The following KLK5 variants were observed in gnomAD, a reference collection of about 807,000 sequenced individuals.
The protein encoded by KLK5 is kallikrein related peptidase 5.
Under a neutral mutation model 24.0 loss-of-function variants are expected in KLK5, and 18 were observed. That is an observed-to-expected ratio of 0.75 (90% CI 0.52 to 1.11). The LOEUF (loss-of-function observed/expected upper bound fraction) is 1.11. Ranked by LOEUF, KLK5 falls within the 50% of genes most tolerant of loss-of-function variation. The pLI is 0.00. For synonymous variants in KLK5, 140 were observed against 154.0 expected (o/e 0.91, Z 0.67); for missense variants, 374 against 379.2 (o/e 0.99, Z 0.11).
intron 2 of KLK5, among the ~76,000 whole-genome samples, chr19:50,950,912 C>CTGACTT (rs1170940890): frequency 7.1e-6 from 1 of 141,802 alleles, no homozygotes; most frequent in Non-Finnish European, 1.5e-5. Flanking sequence ...AAAAAAAGCT[C>CTGACTT]TGACTTTGAA....
intron 5 of KLK5, among the ~76,000 whole-genome samples, chr19:50,945,230 T>C (rs1309033971): frequency 6.6e-6 from 1 of 151,298 alleles, no homozygotes; most frequent in Non-Finnish European, 1.5e-5. Flanking sequence ...CACCTCAGCC[T>C]CCCAAGTAGC....
rs1288576226 is a variant in KLK5 at position 50,943,503 on chromosome 19, G to C, written c.*128C>G. On this transcript the variant is annotated 3_prime_UTR_variant, in exon 6 of 6. Transcript: ENST00000336334. ...GGGGAAGCAGACCCTGAGTCCAGGA[G>C]ACATGGGGTCAGGGGCTGGAGAGAT... The C allele has an allele frequency of 1.1e-6, 1 of 878,148 alleles. No homozygotes were observed. The highest frequency in any genetic ancestry group is 1.7e-5 in the African/African-American group (1 of 59,976). 54.4% of individuals were successfully genotyped at this position (878,148 alleles called of 1,614,324 possible).
At position 50,952,674 on chromosome 19, in the gene KLK5, T is replaced by C; in HGVS notation, c.-11-6A>G. On this transcript the variant is annotated splice_region_variant and splice_polypyrimidine_tract_variant and intron_variant, in intron 1 of 5. Transcript: ENST00000336334. ...TGTAGCCATGGCCGCTGCACCTGGA[T>C]GGGGAATGTCAGAGGGTTGGGAGGC... 1 of 1,589,260 alleles carries C rather than the reference T, an allele frequency of 6.3e-7. No homozygotes were observed. The highest frequency in any genetic ancestry group is 8.6e-7 in the Non-Finnish European group (1 of 1,167,402).
At chr19:50,945,923 C>G (rs2090629321) in intron 5 of KLK5, among the ~76,000 whole-genome samples, 1 of 152,136 alleles carries the variant, frequency 6.6e-6, no homozygotes, top group African/African-American at 2.4e-5. Context: ...GTTGCCCAGG[C>G]TGGTCTTGAA....
At chr19:50,950,890 CA>C (rs10650166) in intron 2 of KLK5, among the ~76,000 whole-genome samples, 7 of 99,992 alleles carry the variant, frequency 7.0e-5, no homozygotes, top group African/African-American at 1.2e-4. Flanking sequence ...AGACTGTCTC[CA>C]AAAAAAAAAA....
intron 1 of KLK5, 27 bp from the exon 2 acceptor site, chr19:50,952,695 G>A (rs1360340893): frequency 6.5e-7 from 1 of 1,540,582 alleles, no homozygotes; most frequent in Non-Finnish European, 8.8e-7. Flanking sequence ...AGAGGGTTGG[G>A]AGGCCCAGGC....
At chr19:50,952,011 A>C (rs902943783) in intron 2 of KLK5, among the ~76,000 whole-genome samples, 1 of 151,998 alleles carries the variant, frequency 6.6e-6, no homozygotes, top group Non-Finnish European at 1.5e-5. Context: ...ACACAGTCAC[A>C]TACAGTCACC....
rs763618021 is a variant in KLK5 at position 50,947,357 on chromosome 19, C to T, written c.726+1283G>A. On this transcript the variant is annotated intron_variant, in intron 5 of 5. Coordinates refer to ENST00000336334, the MANE Select transcript of KLK5 (RefSeq NM_012427.5). The surrounding 1 kb of genome is among the most constrained non-coding windows in gnomAD (Gnocchi z 8.7). The stretch of plus-strand genomic sequence containing the variant: ...TCCTTACTGCCTCAGGGCCTTTGCA[C>T]GTGCCTTTTCTTTCCCCTTAAACTT... Among the ~76,000 whole-genome samples the T allele has an allele frequency of 2.6e-5, 4 of 152,188 alleles. No homozygotes were observed. The highest frequency in any genetic ancestry group is 6.5e-5 in the Admixed American group (1 of 15,270).
At chr19:50,946,301 C>G (rs1294744479) in intron 5 of KLK5, among the ~76,000 whole-genome samples, 1 of 152,218 alleles carries the variant, frequency 6.6e-6, no homozygotes, top group African/African-American at 2.4e-5. Context: ...AGTTAATGAG[C>G]TGAGGCATGC....
intron 5 of KLK5, among the ~76,000 whole-genome samples, chr19:50,945,045 TTCCTTCCTTTCTTTC>T (rs139843620): frequency 0.019 from 2,757 of 145,018 alleles, 33 homozygotes; most frequent in African/African-American, 0.035. Flanking sequence ...TTCTTTCTCC[TTCCTTCCTTTCTTTC>T]TCCTTCCTTC....
At chr19:50,946,599 G>T (rs549319262) in intron 5 of KLK5, among the ~76,000 whole-genome samples, 1 of 149,144 alleles carries the variant, frequency 6.7e-6, no homozygotes, top group African/African-American at 2.5e-5. Context: ...TCACTGTGTT[G>T]CCCAGGCTGG....
In KLK5 at chr19:50,949,003, GGCCAGGGTGGGAGTA is replaced by G. The variant is rs2090660189; in HGVS notation, c.433_447del (p.Tyr145_Gly149del). 1 of 1,613,942 alleles carries G rather than the reference GGCCAGGGTGGGAGTA, an allele frequency of 6.2e-7. No homozygotes were observed. The highest frequency in any genetic ancestry group is 8.5e-7 in the Non-Finnish European group (1 of 1,179,980). On this transcript the variant is annotated inframe_deletion, in exon 4 of 6. Transcript: ENST00000336334. ...TTGATGAGCATGAGGTCGTTAGAGT[GGCCAGGGTGGGAGTA>G]GCCAGGGTGGGGGATGGATTTGACC... is the stretch of plus-strand genomic sequence containing the variant.
intron 2 of KLK5, among the ~76,000 whole-genome samples, chr19:50,951,795 C>T (rs888775449): frequency 3.3e-5 from 5 of 152,174 alleles, no homozygotes; most frequent in African/African-American, 7.2e-5. Flanking sequence ...CTCAGTGCCA[C>T]GCACAGATGC....
Position 50,945,533 on chromosome 19 carries a change from C to T in KLK5, c.727-1747G>A, listed in dbSNP as rs568146200. On this transcript the variant is annotated intron_variant, in intron 5 of 5. Coordinates refer to ENST00000336334, the MANE Select transcript of KLK5 (RefSeq NM_012427.5). ...CCCACCTGGGCACGGTGGCTCACAC[C>T]TGTAATACCAGCAATTTGGGAGGCC... 1.5e-4 allele frequency among the ~76,000 whole-genome samples: 23 copies of T among 151,914 alleles called. No homozygotes were observed. The South Asian group carries it at 2.5e-3, about 16-fold the overall frequency.
intron 5 of KLK5, among the ~76,000 whole-genome samples, chr19:50,946,689 A>G (rs1273633580): frequency 6.6e-6 from 1 of 151,792 alleles, no homozygotes; most frequent in Non-Finnish European, 1.5e-5. Context: ...CCTCCCGAGT[A>G]GCTGGGACTA....
In KLK5 at chr19:50,948,631, T is replaced by G. The variant is rs1472384390; in HGVS notation, c.726+9A>C. ...TGTGTATCTGCTGAATAAAGAGAGG[T>G]GTCCTCACCTGGCAGGAGTCTCTAC... is the stretch of plus-strand genomic sequence containing the variant. On this transcript the variant is annotated intron_variant, in intron 5 of 5. Transcript: ENST00000336334. The G allele has an allele frequency of 6.2e-7, 1 of 1,613,904 alleles. No individual in the cohort carries two copies. Among genetic ancestry groups the G allele is most frequent in the East Asian group, 2.2e-5 (1 of 44,878 alleles).
chr19:50,951,346 C>T (rs1455516906), intron 2 of KLK5, among the ~76,000 whole-genome samples: 1 of 151,966 alleles, frequency 6.6e-6, no homozygotes, highest in Non-Finnish European at 1.5e-5. Flanking sequence ...GATCTCGGCT[C>T]ACCGCAACCT....
intron 5 of KLK5, among the ~76,000 whole-genome samples, chr19:50,946,762 T>C (rs985380276): frequency 6.6e-5 from 10 of 152,070 alleles, no homozygotes; most frequent in African/African-American, 2.4e-4. Flanking sequence ...GGTTTCACCG[T>C]GTCAGCCAGG....
chr19:50,950,456 C>A, intron 2 of KLK5: 1 of 400,900 alleles, frequency 2.5e-6, no homozygotes. Flanking sequence ...GGGAGGGAGA[C>A]CAGGGCTTTA....
Sources: allele counts gnomAD v4.1 joint callset (sites outside exome capture counted in the v4.1 genomes callset), GRCh38; gene constraint gnomAD v4.1.1; non-coding constraint Gnocchi (gnomAD v3.1); transcripts MANE v1.5; gene names NCBI Gene and HGNC (gene_info 2026-07-23, HGNC 2026-07-21).